TMEM132D: variants seen among roughly 807,000 people sequenced by gnomAD.
TMEM132D encodes the protein mature OL transmembrane protein.
Under a neutral mutation model 62.3 loss-of-function variants are expected in TMEM132D, and 21 were observed. The observed-to-expected ratio is 0.34, with a 90% confidence interval of 0.24 to 0.49. The LOEUF is 0.49. Ranked by LOEUF, TMEM132D falls within the 20% of genes least tolerant of loss-of-function variation. TMEM132D has a pLI of 0.99. For synonymous variants in TMEM132D, 621 were observed against 575.6 expected (o/e 1.08, Z -1.13); for missense variants, 1,346 against 1,402.8 (o/e 0.96, Z 0.65).
chr12:129,544,029 T>C (rs907235320), intron 2 of TMEM132D, among the ~76,000 whole-genome samples: 5 of 152,222 alleles, frequency 3.3e-5, no homozygotes, highest in Admixed American at 2.6e-4. Context: ...TCAAAAGAGA[T>C]GCATGTGCTC....
chr12:129,570,575 C>T (rs185037515), intron 2 of TMEM132D, among the ~76,000 whole-genome samples: 1 of 152,236 alleles, frequency 6.6e-6, no homozygotes, highest in Admixed American at 6.5e-5. Flanking sequence ...TCAGAGCTAC[C>T]CTAGGGCAAA....
rs79572955 is a variant in TMEM132D at position 129,409,712 on chromosome 12, A to T, written c.1116-71895T>A. 1.8e-3 allele frequency among the ~76,000 whole-genome samples: 278 copies of T among 152,358 alleles called. 1 individual carries two copies. The highest frequency in any genetic ancestry group is 6.4e-3 in the African/African-American group (265 of 41,580). On this transcript the variant is annotated intron_variant, in intron 3 of 8. Transcript: ENST00000422113. ...AGTGTGAAAACAAGAGGTACTTATA[A>T]ACAGTAAAGAGTAAATACACATATT...
At chr12:129,521,257 T>G (rs1566096648) in intron 3 of TMEM132D, 1 of 152,220 alleles carries the variant, frequency 6.6e-6, no homozygotes, top group Non-Finnish European at 1.5e-5. Flanking sequence ...GTAGAAAAAC[T>G]GGATCTACCT....
chr12:129,346,526 G>A (rs751771288), intron 3 of TMEM132D, among the ~76,000 whole-genome samples: 34 of 151,890 alleles, frequency 2.2e-4, no homozygotes, highest in Non-Finnish European at 3.7e-4. Context: ...TAATTGTGAC[G>A]TTAGGGTGTC....
At chr12:129,108,772 T>C (rs1467090608) in intron 5 of TMEM132D, among the ~76,000 whole-genome samples, 1 of 152,232 alleles carries the variant, frequency 6.6e-6, no homozygotes, top group Non-Finnish European at 1.5e-5. Flanking sequence ...TTTTGATTAA[T>C]TGTTTGAAGA....
intron 5 of TMEM132D, among the ~76,000 whole-genome samples, chr12:129,145,326 C>T (rs1295026344): frequency 1.3e-5 from 2 of 152,098 alleles, no homozygotes; most frequent in Non-Finnish European, 2.9e-5. Flanking sequence ...GCTTGAAAAT[C>T]CCTGCCCTAG....
At chr12:129,331,899 C>T (rs192495535) in intron 4 of TMEM132D, among the ~76,000 whole-genome samples, 1 of 152,272 alleles carries the variant, frequency 6.6e-6, no homozygotes, top group Non-Finnish European at 1.5e-5. Context: ...ACAAAGGGGA[C>T]TCCAACTTTT....
intron 1 of TMEM132D, among the ~76,000 whole-genome samples, chr12:129,723,258 G>A (rs1400544429): frequency 6.6e-6 from 1 of 152,146 alleles, no homozygotes; most frequent in Non-Finnish European, 1.5e-5. Flanking sequence ...ACAGAAGATG[G>A]AGAAGCTCGG....
intron 3 of TMEM132D, among the ~76,000 whole-genome samples, chr12:129,412,895 T>C (rs1181125885): frequency 1.3e-5 from 2 of 151,982 alleles, no homozygotes; most frequent in African/African-American, 4.8e-5. Context: ...AGCCACACTT[T>C]TAGGATGGAA....
intron 2 of TMEM132D, among the ~76,000 whole-genome samples, chr12:129,548,744 C>A (rs1230692663): frequency 6.6e-6 from 1 of 152,210 alleles, no homozygotes; most frequent in East Asian, 1.9e-4. Flanking sequence ...CCTACCACCC[C>A]CTTCCAACCC....
At chr12:129,142,116 A>G (rs530085681) in intron 5 of TMEM132D, among the ~76,000 whole-genome samples, 19 of 151,728 alleles carry the variant, frequency 1.3e-4, no homozygotes, top group African/African-American at 4.6e-4. Flanking sequence ...AAAAATAAAA[A>G]GGTTGGCCAT....
At chr12:129,595,707 T>C (rs1038593717) in intron 2 of TMEM132D, among the ~76,000 whole-genome samples, 4 of 152,148 alleles carry the variant, frequency 2.6e-5, no homozygotes, top group African/African-American at 9.7e-5. Context: ...CTTCTGACCC[T>C]GGGGGCCAGA....
intron 2 of TMEM132D, among the ~76,000 whole-genome samples, chr12:129,549,905 G>A (rs1277110137): frequency 2.0e-5 from 3 of 152,210 alleles, no homozygotes; most frequent in African/African-American, 7.2e-5. Context: ...TCTGTAATGT[G>A]TGAGGGAAGT....
At chr12:129,136,883 A>G (rs981747193) in intron 5 of TMEM132D, among the ~76,000 whole-genome samples, 1 of 150,974 alleles carries the variant, frequency 6.6e-6, no homozygotes, top group African/African-American at 2.4e-5. Context: ...CATTACTATC[A>G]TCATCACCAC....
chr12:129,322,986 A>T (rs1427896778), intron 4 of TMEM132D, among the ~76,000 whole-genome samples: 2 of 152,182 alleles, frequency 1.3e-5, no homozygotes, highest in Non-Finnish European at 2.9e-5. Flanking sequence ...CTCCATTTCC[A>T]TTTAAAAATT....
chr12:129,134,057 C>A (rs1298199437), intron 5 of TMEM132D, among the ~76,000 whole-genome samples: 1 of 151,238 alleles, frequency 6.6e-6, no homozygotes, highest in Non-Finnish European at 1.5e-5. Flanking sequence ...CATAGGAACC[C>A]ATAGAGTATT....
At chr12:129,874,432 T>C (rs12305451) in intron 1 of TMEM132D, among the ~76,000 whole-genome samples, 2 of 152,064 alleles carry the variant, frequency 1.3e-5, no homozygotes, top group African/African-American at 4.8e-5. Flanking sequence ...ATAAAATACA[T>C]AAATAAATTA....
chr12:129,354,315 GTA>G (rs35875993), intron 3 of TMEM132D, among the ~76,000 whole-genome samples: 9 of 147,990 alleles, frequency 6.1e-5, no homozygotes, highest in South Asian at 2.2e-4. Context: ...ACTTTATTGG[GTA>G]TATATATATA....
At chr12:129,878,862 C>T (rs1192476955) in intron 1 of TMEM132D, among the ~76,000 whole-genome samples, 1 of 152,152 alleles carries the variant, frequency 6.6e-6, no homozygotes, top group East Asian at 1.9e-4. Context: ...AGCCGCTGCA[C>T]CCGGCCTACA....
Sources: allele counts gnomAD v4.1 joint callset (sites outside exome capture counted in the v4.1 genomes callset), GRCh38; gene constraint gnomAD v4.1.1; transcripts MANE v1.5; gene names NCBI Gene and HGNC (gene_info 2026-07-23, HGNC 2026-07-21).